The following TENM3 variants were observed in gnomAD, a reference collection of about 807,000 sequenced individuals.
TENM3 encodes teneurin-3.
Under a neutral mutation model 255.1 loss-of-function variants are expected in TENM3, and 63 were observed. The observed-to-expected ratio is 0.25, with a 90% CI of 0.20 to 0.30. TENM3 has a LOEUF of 0.30. TENM3 is among the 10% of genes least tolerant of loss of function. The pLI, the probability that TENM3 is intolerant of heterozygous loss-of-function variation, is 1.00. For synonymous variants in TENM3, 1,306 were observed against 1,322.3 expected (o/e 0.99, Z 0.27); for missense variants, 2,929 against 3,461.1 (o/e 0.85, Z 3.86).
At chr4:182,031,647 T>G in the TENM3 span, among the ~76,000 whole-genome samples, 1 of 152,216 alleles carries the variant, frequency 6.6e-6, no homozygotes, top group African/African-American at 2.4e-5. Flanking sequence ...TTGGGCAGTG[T>G]GGCCATTTTC....
At chr4:182,400,323 G>C (rs1054582750) in intron 3 of TENM3, among the ~76,000 whole-genome samples, 4 of 152,164 alleles carry the variant, frequency 2.6e-5, no homozygotes, top group Non-Finnish European at 4.4e-5. Context: ...ATTTGGCTGA[G>C]GGTTTGGAAT....
chr4:182,752,585 T>G (rs531308980), intron 20 of TENM3, among the ~76,000 whole-genome samples: 1 of 152,298 alleles, frequency 6.6e-6, no homozygotes, highest in East Asian at 1.9e-4. Flanking sequence ...GATTCCCTGC[T>G]CATGTATTAT....
intron 3 of TENM3, among the ~76,000 whole-genome samples, chr4:182,375,895 A>G (rs986438898): frequency 2.6e-5 from 4 of 152,214 alleles, no homozygotes; most frequent in Non-Finnish European, 1.5e-5. Context: ...AAAAGGGATA[A>G]TGAATGCACT....
At chr4:181,643,675 A>C in the TENM3 span, among the ~76,000 whole-genome samples, 2 of 152,170 alleles carry the variant, frequency 1.3e-5, no homozygotes, top group African/African-American at 4.8e-5. Flanking sequence ...AGGGTCAATA[A>C]TTACAACATT....
the TENM3 span, among the ~76,000 whole-genome samples, chr4:181,474,931 A>T: frequency 1.3e-5 from 2 of 152,172 alleles, no homozygotes; most frequent in Middle Eastern, 6.8e-3. Flanking sequence ...GCCACTGAAG[A>T]GACTCTGGAC....
chr4:182,613,630 A>C (rs531548887), intron 4 of TENM3, among the ~76,000 whole-genome samples: 9 of 152,276 alleles, frequency 5.9e-5, no homozygotes, highest in African/African-American at 2.2e-4. Flanking sequence ...TATTTCCCCC[A>C]ATCTTCTTAA....
intron 4 of TENM3, among the ~76,000 whole-genome samples, chr4:182,602,252 C>T (rs1164575337): frequency 2.0e-5 from 3 of 152,162 alleles, no homozygotes; most frequent in East Asian, 1.9e-4. Context: ...CCAGGGTTTC[C>T]GTTAGGCTTG....
intron 3 of TENM3, among the ~76,000 whole-genome samples, chr4:182,439,576 G>C (rs1309109841): frequency 6.6e-6 from 1 of 152,196 alleles, no homozygotes; most frequent in Non-Finnish European, 1.5e-5. Context: ...ATAAATGTGA[G>C]AGGAATTCAA....
the TENM3 span, among the ~76,000 whole-genome samples, chr4:182,037,600 C>T: frequency 6.6e-6 from 1 of 152,124 alleles, no homozygotes; most frequent in Non-Finnish European, 1.5e-5. Flanking sequence ...AGTTACCACC[C>T]CAAGGGCAAG....
intron 7 of TENM3, among the ~76,000 whole-genome samples, chr4:182,679,444 A>G (rs1725450771): frequency 6.6e-6 from 1 of 152,184 alleles, no homozygotes; most frequent in African/African-American, 2.4e-5. Context: ...AATAAGGGAA[A>G]AAAATGGTCC....
chr4:181,968,962 G>GTCTCTC, the TENM3 span, among the ~76,000 whole-genome samples: 20 of 144,436 alleles, frequency 1.4e-4, no homozygotes, highest in African/African-American at 3.1e-4. Flanking sequence ...TACCTCTCTT[G>GTCTCTC]TCTCTCTCTC....
intron 5 of TENM3, among the ~76,000 whole-genome samples, chr4:182,629,711 A>G (rs774784277): frequency 5.3e-5 from 8 of 152,156 alleles, no homozygotes; most frequent in Non-Finnish European, 1.2e-4. Flanking sequence ...CCAGTGATGC[A>G]TCCTCAGGTT....
intron 1 of TENM3, among the ~76,000 whole-genome samples, chr4:182,149,171 G>GCTTTAAATTTCAAC (rs1750162499): frequency 6.6e-6 from 1 of 151,834 alleles, no homozygotes; most frequent in African/African-American, 2.4e-5. Context: ...GCATCGGATT[G>GCTTTAAATTTCAAC]GTGTTTTTCC....
At chr4:182,390,567 C>T (rs1219906142) in intron 3 of TENM3, among the ~76,000 whole-genome samples, 1 of 152,116 alleles carries the variant, frequency 6.6e-6, no homozygotes, top group Non-Finnish European at 1.5e-5. Context: ...CATGGAATGA[C>T]AGTAAAATGT....
chr4:182,384,508 C>T (rs1381738001), intron 3 of TENM3, among the ~76,000 whole-genome samples: 1 of 152,146 alleles, frequency 6.6e-6, no homozygotes, highest in Non-Finnish European at 1.5e-5. Context: ...AGCCCTTGAA[C>T]AAGCTGGAAA....
chr4:181,716,380 T>A, the TENM3 span, among the ~76,000 whole-genome samples: 2 of 152,248 alleles, frequency 1.3e-5, no homozygotes, highest in Admixed American at 6.5e-5. Flanking sequence ...TGAGATATAG[T>A]ACATTGCTGT....
intron 11 of TENM3, among the ~76,000 whole-genome samples, chr4:182,685,235 T>C (rs1446839941): frequency 3.3e-5 from 5 of 152,064 alleles, no homozygotes; most frequent in African/African-American, 1.2e-4. Context: ...CTTCTCTTCT[T>C]CCCTTCCTTC....
chr4:181,713,170 A>G, the TENM3 span, among the ~76,000 whole-genome samples: 2 of 152,238 alleles, frequency 1.3e-5, no homozygotes, highest in African/African-American at 4.8e-5. Flanking sequence ...AGGCAAAATG[A>G]TTGGTTGAAA....
chr4:181,616,187 A>C, the TENM3 span, among the ~76,000 whole-genome samples: 1 of 151,482 alleles, frequency 6.6e-6, no homozygotes, highest in Non-Finnish European at 1.5e-5. Flanking sequence ...ATGAATACAT[A>C]CACAGGCTGA....
Sources: allele counts gnomAD v4.1 joint callset (sites outside exome capture counted in the v4.1 genomes callset), GRCh38; gene constraint gnomAD v4.1.1; transcripts MANE v1.5; gene names NCBI Gene and HGNC (gene_info 2026-07-23, HGNC 2026-07-21).